GCDH: variants seen among roughly 807,000 people sequenced by gnomAD.
GCDH encodes the protein glutaryl-CoA dehydrogenase, mitochondrial.
A neutral mutation model predicts 52.8 loss-of-function variants in GCDH; 31 were observed. That is an observed-to-expected ratio of 0.59 (90% CI 0.44 to 0.79). The LOEUF (loss-of-function observed/expected upper bound fraction) is 0.79. Among genes scored for constraint, GCDH ranks in the 30% least tolerant of loss-of-function variants. The pLI is 0.00. For missense variants in GCDH, 509 were observed against 595.0 expected, an observed-to-expected ratio of 0.86 and a Z score of 1.50; for synonymous variants, 242 against 250.0, an observed-to-expected ratio of 0.97 and a Z score of 0.30.
At chr19:12,897,670 CCA>C in intron 10 of GCDH, 31 bp from the exon 11 acceptor site, 2 of 1,613,232 alleles carry the variant, frequency 1.2e-6, no homozygotes, top group East Asian at 2.2e-5. Context: ...GCCAGGATCC[CCA>C]GTCCTTGTTA....
At chr19:12,891,732 G>A (rs1970561158) in intron 3 of GCDH, 99 bp from the exon 4 acceptor site, 6 of 1,607,214 alleles carry the variant, frequency 3.7e-6, no homozygotes, top group Non-Finnish European at 2.5e-6. Context: ...GCACTAGCCG[G>A]GGGGCGACAT....
At position 12,897,894 on chromosome 19, in the gene GCDH, G is replaced by C. The variant is rs765400270; in HGVS notation, c.1243+31G>C. 5.6e-6 allele frequency: 9 copies of C among 1,600,106 alleles called. No individual in the cohort carries two copies. The Admixed American group carries it at 1.5e-4, about 27-fold the overall frequency. ...AGCTGGACCTCAGAGGGCTCACTGA[G>C]GCCTCAGTGTCTGGGGAGGGGGTAC... is the stretch of plus-strand genomic sequence containing the variant. On this transcript the variant is annotated intron_variant, in intron 11 of 11. Coordinates refer to ENST00000222214, the MANE Select transcript of GCDH (RefSeq NM_000159.4).
Position 12,896,307 on chromosome 19 carries a change from G to A in GCDH, c.738G>A (p.Ser246=), listed in dbSNP as rs188548539. The change falls in exon 8 of 12, where the codon TCG becomes TCA. Residue 246 remains serine, a synonymous_variant. Transcript: ENST00000222214. This position sits in a 1 kb window ranked among gnomAD's most constrained non-coding sequence, Gnocchi z 5.5. ...FLLEKGMRGL[S]APRIQGKFSL... ...TGGAGAAGGGGATGCGGGGTCTCTC[G>A]GCCCCCAGGATCCAGGGCAAGTTCT... is the stretch of plus-strand genomic sequence containing the variant. The A allele has an allele frequency of 1.4e-4, 224 of 1,614,100 alleles. No individual in the cohort carries two copies. The East Asian group carries it at 4.1e-3, about 30-fold the overall frequency.
intron 11 of GCDH, 153 bp downstream of exon 11, chr19:12,898,016 G>T: frequency 1.4e-6 from 1 of 695,862 alleles, no homozygotes. Flanking sequence ...CCCTCATCTG[G>T]AGTTACTCAC....
intron 9 of GCDH, 66 bp from the exon 10 acceptor site, chr19:12,897,237 C>A: frequency 6.2e-7 from 1 of 1,601,430 alleles, no homozygotes; most frequent in Non-Finnish European, 8.5e-7. Context: ...AGCAGGGGGC[C>A]CCAGGACAGG....
At chr19:12,897,087 C>T in intron 9 of GCDH, 74 bp downstream of exon 9, 1 of 1,286,754 alleles carries the variant, frequency 7.8e-7, no homozygotes, top group Non-Finnish European at 1.1e-6. Flanking sequence ...CCATGGGTGA[C>T]TCCCCAGCCC....
At chr19:12,893,953 C>G in intron 6 of GCDH, 1 of 582,468 alleles carries the variant, frequency 1.7e-6, no homozygotes, top group South Asian at 2.0e-5. Flanking sequence ...ATAATCCCAG[C>G]ACTTTGGGAG....
chr19:12,899,910 G>C lies in GCDH; in HGVS notation c.*369G>C. 1 of 1,593,550 alleles carries C rather than the reference G, an allele frequency of 6.3e-7. No homozygotes were observed. The highest frequency in any genetic ancestry group is 8.6e-7 in the Non-Finnish European group (1 of 1,165,846). ...TCCCTCCCTCCCATCTGGGGGTAGT[G>C]CCTTATGCTGGGTGTTGGAGCAGAG... On this transcript the variant is annotated 3_prime_UTR_variant, in exon 12 of 12. Coordinates refer to ENST00000222214, the MANE Select transcript of GCDH (RefSeq NM_000159.4).
chr19:12,892,901 G>A, intron 5 of GCDH, among the ~76,000 whole-genome samples: 1 of 137,050 alleles, frequency 7.3e-6, no homozygotes, highest in Non-Finnish European at 1.5e-5. Context: ...TTTTTGAGAT[G>A]GAGTTTCGCT....
chr19:12,892,612 C>T (rs1568425439), intron 5 of GCDH, among the ~76,000 whole-genome samples: 1 of 149,830 alleles, frequency 6.7e-6, no homozygotes, highest in Non-Finnish European at 1.5e-5. Flanking sequence ...GATGGAGTTT[C>T]GCTCTTGTTG....
In GCDH at chr19:12,897,821, A is replaced by G; in HGVS notation, c.1201A>G (p.Ile401Val). 4 of 1,613,910 alleles carry G rather than the reference A, an allele frequency of 2.5e-6. No homozygotes were observed. The highest frequency in any genetic ancestry group is 3.4e-6 in the Non-Finnish European group (4 of 1,179,964). ...TGGGATTTCTGACGAGTATCACGTGATCCGGCACGCCATGAACCTGGAGGC... is the reference window on the plus strand; with the variant it reads ...TGGGATTTCTGACGAGTATCACGTGGTCCGGCACGCCATGAACCTGGAGGC... ...GNGISDEYHV[I>V]RHAMNLEAVN... The change falls in exon 11 of 12, where the codon ATC becomes GTC. Residue 401 changes from isoleucine to valine, a missense_variant. Transcript: ENST00000222214.
intron 10 of GCDH, 71 bp from the exon 11 acceptor site, chr19:12,897,632 G>A (rs531454832): frequency 7.5e-5 from 118 of 1,582,756 alleles, no homozygotes; most frequent in Admixed American, 2.7e-4. Context: ...TCCCCACCCC[G>A]GGCTAGGTTT....
chr19:12,893,955 C>T lies in GCDH; in HGVS notation c.505+302C>T, dbSNP rs1022292840. The T allele has an allele frequency of 2.2e-5, 13 of 582,022 alleles. No homozygotes were observed. The African/African-American group carries it at 2.2e-4, about 10-fold the overall frequency. 36.1% of individuals were successfully genotyped at this position (582,022 alleles called of 1,614,324 possible). A position where few individuals can be genotyped will look rare whatever the true frequency, so the allele number is the denominator to read the frequency against. ...GTGGCTCACACCTATAATCCCAGCA[C>T]TTTGGGAGGGTGAAGTGAGAAGATC... On this transcript the variant is annotated intron_variant, in intron 6 of 11. Coordinates refer to ENST00000222214, the MANE Select transcript of GCDH (RefSeq NM_000159.4).
intron 6 of GCDH, chr19:12,894,326 A>G (rs1197772700): frequency 5.1e-6 from 4 of 786,648 alleles, no homozygotes; most frequent in African/African-American, 3.4e-5. Context: ...CCCTTGAAAC[A>G]GGGTGTCTTG....
At chr19:12,892,245 C>T (rs778423194) in intron 5 of GCDH, 67 bp downstream of exon 5, 15 of 1,257,562 alleles carry the variant, frequency 1.2e-5, no homozygotes, top group Non-Finnish European at 1.6e-5. Context: ...TCCTCCTTCC[C>T]TCCCTCCCTT....
At chr19:12,891,757 A>C in intron 3 of GCDH, 74 bp from the exon 4 acceptor site, 1 of 1,607,062 alleles carries the variant, frequency 6.2e-7, no homozygotes, top group Admixed American at 1.7e-5. Context: ...GTTGGGGGGT[A>C]GGGCTGATGA....
In GCDH at chr19:12,896,734, A is replaced by C. The variant is rs1299455812; in HGVS notation, c.853-176A>C. Among the ~76,000 whole-genome samples, 1 of 152,144 alleles carries C rather than the reference A, an allele frequency of 6.6e-6. No individual in the cohort carries two copies. Among genetic ancestry groups the C allele is most frequent in the East Asian group, 1.9e-4 (1 of 5,182 alleles). On this transcript the variant is annotated intron_variant, in intron 8 of 11. Coordinates refer to ENST00000222214, the MANE Select transcript of GCDH (RefSeq NM_000159.4). The surrounding 1 kb of genome is among the most constrained non-coding windows in gnomAD (Gnocchi z 5.5). Reference sequence around the variant, plus strand: ...GCCAGGCTGGGTGGGACTGTGTGCAAACCGAGTGAGCAGGCACCGAGCTTC... The same window carrying C: ...GCCAGGCTGGGTGGGACTGTGTGCACACCGAGTGAGCAGGCACCGAGCTTC...
chr19:12,893,880 C>T (rs777974746), intron 6 of GCDH: 19 of 616,784 alleles, frequency 3.1e-5, no homozygotes, highest in Non-Finnish European at 3.2e-5. Context: ...CTGTGTTCCC[C>T]AGTCCAGCCC....
In GCDH at chr19:12,899,254, A is replaced by G; in HGVS notation, c.1244-214A>G. 2.4e-6 allele frequency: 3 copies of G among 1,262,798 alleles called. No individual in the cohort carries two copies. The South Asian group carries it at 3.6e-5, about 15-fold the overall frequency. 78.2% of individuals were successfully genotyped at this position (1,262,798 alleles called of 1,614,324 possible). A position where few individuals can be genotyped will look rare whatever the true frequency, so the allele number is the denominator to read the frequency against. On this transcript the variant is annotated intron_variant, in intron 11 of 11. Transcript: ENST00000222214. The stretch of plus-strand genomic sequence containing the variant: ...TGCCAAGATGCATTATAGAACCATG[A>G]AAAACAATTTCTCAGTGTGGCCCAA...
Sources: allele counts gnomAD v4.1 joint callset (sites outside exome capture counted in the v4.1 genomes callset), GRCh38; gene constraint gnomAD v4.1.1; non-coding constraint Gnocchi (gnomAD v3.1); transcripts MANE v1.5; gene names NCBI Gene and HGNC (gene_info 2026-07-23, HGNC 2026-07-21).